PAM: variants seen among roughly 807,000 people sequenced by gnomAD.
PAM encodes peptidylglycine alpha-amidating monooxygenase.
In PAM, 72 loss-of-function variants were observed where a neutral mutation model predicts 122.1. The ratio of observed to expected loss-of-function variants is 0.59; its 90% confidence interval spans 0.49 to 0.72. PAM has a LOEUF of 0.72. Among genes scored for constraint, PAM ranks in the 30% least tolerant of loss-of-function variants. PAM has a pLI of 0.00. For missense variants in PAM, 1,106 were observed against 1,183.7 expected (o/e 0.93, Z 0.96); for synonymous variants, 389 against 404.4 (o/e 0.96, Z 0.46).
At chr5:102,960,548 T>A (rs963170463) in intron 13 of PAM, among the ~76,000 whole-genome samples, 11 of 152,026 alleles carry the variant, frequency 7.2e-5, no homozygotes, top group Non-Finnish European at 1.6e-4. Context: ...TGACTTTTTT[T>A]ATCTAATTCT....
chr5:102,835,144 G>T (rs1776630990), intron 1 of PAM, among the ~76,000 whole-genome samples: 1 of 152,056 alleles, frequency 6.6e-6, no homozygotes, highest in South Asian at 2.1e-4. Flanking sequence ...ATAGCATTTT[G>T]TAGTTTTCAG....
At chr5:102,983,699 A>T (rs1562130659) in intron 15 of PAM, among the ~76,000 whole-genome samples, 1 of 152,168 alleles carries the variant, frequency 6.6e-6, no homozygotes, top group African/African-American at 2.4e-5. Context: ...ATCCCCAAAT[A>T]GCTTCAACGT....
At chr5:102,816,848 T>C (rs568825294) in intron 1 of PAM, among the ~76,000 whole-genome samples, 1 of 152,280 alleles carries the variant, frequency 6.6e-6, no homozygotes, top group South Asian at 2.1e-4. Context: ...TGACAGTTTT[T>C]AAATTCATAT....
intron 15 of PAM, among the ~76,000 whole-genome samples, chr5:102,988,677 G>A (rs1772889905): frequency 7.0e-6 from 1 of 142,876 alleles, no homozygotes. Flanking sequence ...GAAAGGAAAG[G>A]GAAAAGAAAG....
intron 3 of PAM, among the ~76,000 whole-genome samples, chr5:102,874,739 T>A (rs1397262285): frequency 6.6e-6 from 1 of 152,080 alleles, no homozygotes; most frequent in Non-Finnish European, 1.5e-5. Flanking sequence ...TTTTGCTTTT[T>A]ATTTTTTTTC....
rs778166481 is a variant in PAM at position 102,913,945 on chromosome 5, C to G, written c.280C>G (p.Pro94Ala). 3.1e-6 allele frequency: 5 copies of G among 1,600,842 alleles called. No individual in the cohort carries two copies. The highest frequency in any genetic ancestry group is 3.4e-6 in the Non-Finnish European group (4 of 1,168,332). Residue 94 changes from proline to alanine, a missense_variant, in exon 5 of 26, where the codon CCT becomes GCT. This residue lies in a region of PAM where 670 missense variants were observed against 690.3 expected (regional missense o/e 0.97). Transcript: ENST00000438793. ...TTTTCTCGTAACAGTTGACTTCAAG[C>G]CTCGAGCCAGCATGGATACTGTCCA... is the stretch of plus-strand genomic sequence containing the variant. ...DEEAFVIDFKPRASMDTVHHM... is the reference protein window; with the variant it reads ...DEEAFVIDFKARASMDTVHHM...
intron 23 of PAM, 110 bp downstream of exon 23, chr5:103,019,953 T>A: frequency 1.3e-6 from 1 of 774,558 alleles, no homozygotes; most frequent in South Asian, 1.4e-5. Flanking sequence ...TATAATCTGG[T>A]AAATTATCAG....
At chr5:102,864,622 A>G (rs1785026272) in intron 1 of PAM, 1 of 152,106 alleles carries the variant, frequency 6.6e-6, no homozygotes, top group Admixed American at 6.5e-5. Context: ...TTTGTTTTAG[A>G]TTAGCTTCAC....
At chr5:102,907,124 G>A (rs1799805819) in intron 4 of PAM, among the ~76,000 whole-genome samples, 1 of 151,588 alleles carries the variant, frequency 6.6e-6, no homozygotes, top group Admixed American at 6.6e-5. Context: ...TAGTTAATTT[G>A]GTGGCAGCAG....
Position 102,802,282 on chromosome 5 carries a change from T to C in PAM, c.-374+46934T>C, listed in dbSNP as rs74395288. Among the ~76,000 whole-genome samples the C allele has an allele frequency of 4.4e-3, 663 of 152,328 alleles. 6 individuals carry two copies. Among genetic ancestry groups the C allele is most frequent in the African/African-American group, 0.014 (586 of 41,578 alleles). ...ATGTATAATTCCTTTGATTTTTAGA[T>C]TCAAAACATTGAAGGCTTTATAATT... is the stretch of plus-strand genomic sequence containing the variant. On this transcript the variant is annotated intron_variant, in intron 1 of 25. Coordinates refer to ENST00000438793, the MANE Select transcript of PAM (RefSeq NM_001177306.2).
rs189088118 is a variant in PAM, at chr5:102,915,331, T to C, written c.356+1310T>C. The stretch of plus-strand genomic sequence containing the variant: ...AAACAATATAATGTGTATTTGGAAC[T>C]GTTAAAAACACAGGGCAATTAGTGG... On this transcript the variant is annotated intron_variant, in intron 5 of 25. Transcript: ENST00000438793. 3.2e-3 allele frequency among the ~76,000 whole-genome samples: 490 copies of C among 152,254 alleles called. 4 individuals carry two copies. The highest frequency in any genetic ancestry group is 0.011 in the African/African-American group (451 of 41,574).
At chr5:102,934,353 C>A (rs1258970316) in intron 7 of PAM, among the ~76,000 whole-genome samples, 1 of 152,140 alleles carries the variant, frequency 6.6e-6, no homozygotes, top group Non-Finnish European at 1.5e-5. Context: ...TTAGTTCTTA[C>A]CATGATCTTT....
intron 21 of PAM, among the ~76,000 whole-genome samples, chr5:103,013,671 G>C (rs1781246305): frequency 6.6e-6 from 1 of 152,074 alleles, no homozygotes; most frequent in Admixed American, 6.5e-5. Flanking sequence ...AGCTAGTCTG[G>C]TGTTTATCAA....
rs74272371 is a variant in PAM at position 102,881,689 on chromosome 5, CT to C, written c.210+14309del. The stretch of plus-strand genomic sequence containing the variant: ...GTCATGTGCAAAAGTGTGATCCTAT[CT>C]TTTTTTTTTTTTCAATAGGTTTTGG... On this transcript the variant is annotated intron_variant, in intron 3 of 25. Transcript: ENST00000438793. 2.8e-3 allele frequency among the ~76,000 whole-genome samples: 396 copies of C among 141,028 alleles called. 3 individuals are homozygous for C. The highest frequency in any genetic ancestry group is 0.011 in the Middle Eastern group (3 of 278). 92.5% of individuals were successfully genotyped at this position (141,028 alleles called of 152,430 possible).
At position 102,976,446 on chromosome 5, in the gene PAM, C is replaced by T. The variant is rs1485501674; in HGVS notation, c.1483+2010C>T. Among the ~76,000 whole-genome samples the T allele has an allele frequency of 2.6e-5, 4 of 152,062 alleles. No individual in the cohort carries two copies. In the South Asian group the frequency reaches 8.3e-4, roughly 32 times the overall value. ...AGTAGGAAGTTATTAGCATATAAGGCCCTAATAAAACTTATTAGTAATCTA... is the reference window on the plus strand; with the variant it reads ...AGTAGGAAGTTATTAGCATATAAGGTCCTAATAAAACTTATTAGTAATCTA... On this transcript the variant is annotated intron_variant, in intron 15 of 25. Transcript: ENST00000438793.
At chr5:102,877,855 C>G (rs934927696) in intron 3 of PAM, among the ~76,000 whole-genome samples, 1 of 151,846 alleles carries the variant, frequency 6.6e-6, no homozygotes, top group African/African-American at 2.4e-5. Context: ...TGGAGAGATC[C>G]CCATCTCTAC....
intron 4 of PAM, 69 bp from the exon 5 acceptor site, chr5:102,913,865 G>A: frequency 1.2e-6 from 1 of 857,294 alleles, no homozygotes; most frequent in Non-Finnish European, 2.0e-6. Flanking sequence ...GTTCAAAGAT[G>A]TATTTTATGA....
At chr5:102,756,380 T>C (rs1750330018) in intron 1 of PAM, among the ~76,000 whole-genome samples, 1 of 152,198 alleles carries the variant, frequency 6.6e-6, no homozygotes, top group Admixed American at 6.5e-5. Flanking sequence ...GCTATGGACC[T>C]TACATCCTGT....
In PAM at chr5:102,818,024, C is replaced by CAAAAAA. The variant is rs753744226; in HGVS notation, c.-373-47781_-373-47776dup. On this transcript the variant is annotated intron_variant, in intron 1 of 25. Transcript: ENST00000438793. ...AAACCTACTTAAACTTTTTTTTTCT[C>CAAAAAA]AAAAAAAAAAAAAAAAAAAAAAAGA... Among the ~76,000 whole-genome samples the CAAAAAA allele has an allele frequency of 1.1e-3, 59 of 55,462 alleles. 1 individual carries two copies. The highest frequency in any genetic ancestry group is 1.6e-3 in the East Asian group (3 of 1,832). The allele number at this position is 55,462 out of a possible 152,430, so 36.4% of individuals were successfully genotyped here. A position where few individuals can be genotyped will look rare whatever the true frequency, so the allele number is the denominator to read the frequency against.
Sources: gnomAD v4.1 joint callset for allele counts (sites outside exome capture counted in the v4.1 genomes callset) on GRCh38, gnomAD v4.1.1 for gene constraint, gnomAD v4.1.1 regional missense constraint, MANE v1.5 for transcripts, NCBI Gene and HGNC (gene_info 2026-07-23, HGNC 2026-07-21) for gene names.